The following NR3C1 variants were observed in gnomAD, a reference collection of about 807,000 sequenced individuals.
NR3C1 encodes the protein nuclear receptor subfamily 3 group C member 1.
Under a neutral mutation model 74.0 loss-of-function variants are expected in NR3C1, and 14 were observed. The observed-to-expected ratio is 0.19, with a 90% CI of 0.12 to 0.30. The LOEUF is 0.30. Among genes scored for constraint, NR3C1 ranks in the 10% least tolerant of loss-of-function variants. The probability of loss-of-function intolerance (pLI) is 1.00; values close to 1 mark genes in which losing one functional copy is unlikely to be tolerated. For missense variants in NR3C1, 695 were observed against 909.8 expected (o/e 0.76, Z 3.04); for synonymous variants, 308 against 332.5 (o/e 0.93, Z 0.80).
rs1450908532 is a variant in NR3C1 at position 143,301,927 on chromosome 5, A to G, written c.1469-1164T>C. 2.0e-5 allele frequency among the ~76,000 whole-genome samples: 3 copies of G among 152,108 alleles called. No homozygotes were observed. The East Asian group carries it at 5.8e-4, about 29-fold the overall frequency. On this transcript the variant is annotated intron_variant, in intron 4 of 8. Transcript: ENST00000394464. ...TCCATTCTTATTGTGTTCTATACTA[A>G]ATGGGGTAACTGAGAATTGCAAAAA...
intron 2 of NR3C1, among the ~76,000 whole-genome samples, chr5:143,388,793 T>C (rs773558998): frequency 2.2e-4 from 34 of 152,176 alleles, no homozygotes; most frequent in African/African-American, 8.0e-4. Context: ...CTTAAGTGAC[T>C]AGAAGAAAAA....
rs1752032365 is a variant in NR3C1, at chr5:143,434,743, C to T, written c.-225G>A. On this transcript the variant is annotated 5_prime_UTR_variant, in exon 1 of 9. Coordinates refer to the NR3C1 transcript ENST00000343796. ...GGCACACAAACTGCACCTGCCTCTG[C>T]AGCAGTCGTCACAGAAGCTGGCCCC... 2 of 985,468 alleles carry T rather than the reference C, an allele frequency of 2.0e-6. 1 individual carries two copies. Among genetic ancestry groups the T allele is most frequent in the East Asian group, 2.3e-4 (2 of 8,820 alleles). 61.0% of individuals were successfully genotyped at this position (985,468 alleles called of 1,614,324 possible). A position where few individuals can be genotyped will look rare whatever the true frequency, so the allele number is the denominator to read the frequency against.
intron 1 of NR3C1, chr5:143,402,466 A>T: frequency 5.1e-6 from 2 of 392,374 alleles, no homozygotes; most frequent in Non-Finnish European, 7.0e-6. Context: ...TTACGGTTAC[A>T]GGGGGTCTTT....
intron 2 of NR3C1, among the ~76,000 whole-genome samples, chr5:143,323,439 G>T (rs771221714): frequency 6.6e-6 from 1 of 152,088 alleles, no homozygotes; most frequent in Non-Finnish European, 1.5e-5. Flanking sequence ...GAATAGCACA[G>T]GAAAGACCAG....
chr5:143,315,425 T>C (rs970120387), intron 2 of NR3C1, among the ~76,000 whole-genome samples: 3 of 152,158 alleles, frequency 2.0e-5, no homozygotes, highest in African/African-American at 7.2e-5. Flanking sequence ...TGGCAACCTG[T>C]TGATTCTGGA....
At chr5:143,374,433 G>A (rs1210413731) in intron 2 of NR3C1, among the ~76,000 whole-genome samples, 1 of 151,722 alleles carries the variant, frequency 6.6e-6, no homozygotes, top group Non-Finnish European at 1.5e-5. Context: ...GGAGCTTGCA[G>A]TGAGCCAAGA....
chr5:143,426,468 A>T (rs1189441178), intron 1 of NR3C1, among the ~76,000 whole-genome samples: 15 of 152,232 alleles, frequency 9.9e-5, no homozygotes, highest in Admixed American at 9.8e-4. Context: ...GATACAAATC[A>T]GCTAAAATAA....
chr5:143,355,224 T>A (rs796529389), intron 2 of NR3C1, among the ~76,000 whole-genome samples: 9 of 152,360 alleles, frequency 5.9e-5, no homozygotes, highest in African/African-American at 2.2e-4. Context: ...ACAGCTATTA[T>A]GTTATCAATT....
chr5:143,316,666 T>C (rs576160745), intron 2 of NR3C1, among the ~76,000 whole-genome samples: 1 of 152,242 alleles, frequency 6.6e-6, no homozygotes, highest in East Asian at 1.9e-4. Context: ...GACCCCTGAG[T>C]TTCCTCATCA....
intron 1 of NR3C1, among the ~76,000 whole-genome samples, chr5:143,410,472 T>C (rs1052029205): frequency 6.6e-6 from 1 of 152,090 alleles, no homozygotes; most frequent in Non-Finnish European, 1.5e-5. Flanking sequence ...GAAAAAAAAA[T>C]TGTTTTGAGA....
intron 2 of NR3C1, among the ~76,000 whole-genome samples, chr5:143,323,161 C>T (rs1294143228): frequency 2.6e-5 from 4 of 152,238 alleles, no homozygotes; most frequent in Admixed American, 2.0e-4. Flanking sequence ...CATATCCACA[C>T]TGGAGACGCT....
chr5:143,309,881 AGTGT>A (rs1258320547), intron 4 of NR3C1, among the ~76,000 whole-genome samples: 2 of 152,204 alleles, frequency 1.3e-5, no homozygotes, highest in Non-Finnish European at 2.9e-5. Flanking sequence ...TACTGAATTC[AGTGT>A]GTGTAAGAAG....
chr5:143,325,474 A>G (rs1561571196), intron 2 of NR3C1, among the ~76,000 whole-genome samples: 1 of 152,234 alleles, frequency 6.6e-6, no homozygotes. Context: ...TGGTGAGGAC[A>G]CAGCCAAACC....
intron 7 of NR3C1, among the ~76,000 whole-genome samples, chr5:143,290,766 TGTTGGTCAGGC>T (rs1480648174): frequency 1.3e-5 from 2 of 152,010 alleles, no homozygotes; most frequent in Admixed American, 1.3e-4. Flanking sequence ...GGTTTCGCCA[TGTTGGTCAGGC>T]TGGTCTCGAA....
intron 2 of NR3C1, among the ~76,000 whole-genome samples, chr5:143,376,626 T>C (rs1038310495): frequency 3.3e-5 from 5 of 152,200 alleles, no homozygotes; most frequent in Non-Finnish European, 7.3e-5. Context: ...TATTGGCATA[T>C]TTGTTGTCCT....
intron 2 of NR3C1, among the ~76,000 whole-genome samples, chr5:143,390,448 T>C (rs899793885): frequency 6.6e-6 from 1 of 152,184 alleles, no homozygotes; most frequent in African/African-American, 2.4e-5. Context: ...ATTCACATTA[T>C]GTTTACTTTA....
At chr5:143,408,871 C>A (rs866624933) in intron 1 of NR3C1, 1 of 152,176 alleles carries the variant, frequency 6.6e-6, no homozygotes, top group South Asian at 2.1e-4. Context: ...CTCCTGCCCC[C>A]ACACCAGTCT....
intron 2 of NR3C1, among the ~76,000 whole-genome samples, chr5:143,317,009 T>C (rs73797546): frequency 2.0e-5 from 3 of 152,308 alleles, no homozygotes; most frequent in African/African-American, 4.8e-5. Flanking sequence ...AATCAGGCTT[T>C]TGGCATCCCT....
At chr5:143,388,042 A>G (rs1460039649) in intron 2 of NR3C1, among the ~76,000 whole-genome samples, 1 of 150,604 alleles carries the variant, frequency 6.6e-6, no homozygotes, top group Non-Finnish European at 1.5e-5. Context: ...ACAATTTACT[A>G]TGTTACTGCC....
Sources: allele counts gnomAD v4.1 joint callset (sites outside exome capture counted in the v4.1 genomes callset), GRCh38; gene constraint gnomAD v4.1.1; transcripts MANE v1.5; gene names NCBI Gene and HGNC (gene_info 2026-07-23, HGNC 2026-07-21).